Variants in FAT3 observed in about 807,000 individuals in gnomAD.
FAT3 encodes the protein protocadherin Fat 3.
FAT3 carries 95 observed loss-of-function variants against 310.2 expected under a neutral mutation model. The ratio of observed to expected loss-of-function variants is 0.31; its 90% CI spans 0.26 to 0.36. The LOEUF is 0.36. FAT3 is among the 10% of genes least tolerant of loss of function. FAT3 has a pLI of 1.00. For synonymous variants in FAT3, 2,314 were observed against 2,192.9 expected (o/e 1.06, Z -1.54); for missense variants, 5,408 against 5,715.6 (o/e 0.95, Z 1.74).
chr11:92,373,604 T>C lies in FAT3; in HGVS notation c.3292+18200T>C, dbSNP rs1362686316. Among the ~76,000 whole-genome samples, 3 of 152,146 alleles carry C rather than the reference T, an allele frequency of 2.0e-5. No individual in the cohort carries two copies. The East Asian group carries it at 5.8e-4, about 29-fold the overall frequency. Reference sequence around the variant, plus strand: ...AATATGTATTATATATTATGCAATATATAGTATATACTGTTATAATGAACG... The same window carrying C: ...AATATGTATTATATATTATGCAATACATAGTATATACTGTTATAATGAACG... On this transcript the variant is annotated intron_variant, in intron 2 of 27. Transcript: ENST00000525166.
At chr11:92,520,632 C>T (rs517744) in intron 2 of FAT3, among the ~76,000 whole-genome samples, 72,405 of 151,868 alleles carry the variant, frequency 0.48, 17,513 homozygotes, top group Middle Eastern at 0.58. Context: ...ACATTCTTAG[C>T]TGTGACTATG....
At chr11:92,601,127 T>A (rs745995372) in intron 3 of FAT3, among the ~76,000 whole-genome samples, 1 of 151,856 alleles carries the variant, frequency 6.6e-6, no homozygotes, top group Non-Finnish European at 1.5e-5. Context: ...TTTTTTTTTT[T>A]AAGTGGGGAG....
intron 3 of FAT3, among the ~76,000 whole-genome samples, chr11:92,654,164 T>C (rs1198627382): frequency 6.6e-6 from 1 of 152,226 alleles, no homozygotes; most frequent in Non-Finnish European, 1.5e-5. Flanking sequence ...GATGAGAAAC[T>C]AGTTCATTAC....
intron 3 of FAT3, among the ~76,000 whole-genome samples, chr11:92,528,128 C>T (rs925464001): frequency 1.3e-5 from 2 of 152,174 alleles, no homozygotes; most frequent in African/African-American, 2.4e-5. Context: ...ATTTCTTTAT[C>T]GAACATCTGT....
At chr11:92,452,753 A>G (rs1215584896) in intron 2 of FAT3, among the ~76,000 whole-genome samples, 1 of 151,968 alleles carries the variant, frequency 6.6e-6, no homozygotes, top group African/African-American at 2.4e-5. Flanking sequence ...CTAATTTGGT[A>G]TCCCTATTTT....
chr11:92,808,124 C>T (rs1235878744), intron 12 of FAT3, among the ~76,000 whole-genome samples: 1 of 152,074 alleles, frequency 6.6e-6, no homozygotes, highest in Non-Finnish European at 1.5e-5. Context: ...ATTGAGTAGC[C>T]AGTAGACATA....
At position 92,314,301 on chromosome 11, in the gene FAT3, G is replaced by A. The variant is rs997369062; in HGVS notation, c.-17-37795G>A. The A allele has an allele frequency of 1.4e-5, 14 of 982,292 alleles. No individual in the cohort carries two copies. In the Admixed American group the frequency reaches 4.3e-4, roughly 30 times the overall value. 60.8% of individuals were successfully genotyped at this position (982,292 alleles called of 1,614,324 possible). On this transcript the variant is annotated intron_variant, in intron 1 of 27. Coordinates refer to ENST00000525166, the MANE Select transcript of FAT3 (RefSeq NM_001367949.2). ...AAGGTTCAGATGAGAACATGGAGAT[G>A]TATTTCTTCAGGTATGCAACTTAAA...
At chr11:92,383,569 T>C (rs1949551295) in intron 2 of FAT3, among the ~76,000 whole-genome samples, 1 of 152,232 alleles carries the variant, frequency 6.6e-6, no homozygotes, top group Non-Finnish European at 1.5e-5. Flanking sequence ...AAAATGTTGA[T>C]GGATACAAGA....
chr11:92,744,576 A>G (rs1273824390), intron 4 of FAT3, among the ~76,000 whole-genome samples: 2 of 152,226 alleles, frequency 1.3e-5, no homozygotes, highest in Non-Finnish European at 2.9e-5. Context: ...ATGAGTAGTG[A>G]GAAGTACTTT....
rs746840052 is a variant in FAT3, at chr11:92,835,037, A to G, written c.10039A>G (p.Ser3347Gly). 3 of 1,613,708 alleles carry G rather than the reference A, an allele frequency of 1.9e-6. No individual in the cohort carries two copies. In the East Asian group the frequency reaches 6.7e-5, roughly 36 times the overall value. The part of the protein sequence containing the change: ...NPPKFSQDVY[S>G]AVISEDALVG... Reference sequence around the variant, plus strand: ...TCCCAAGTTCAGCCAAGACGTCTACAGTGCGGTTATCAGTGAAGACGCCTT... The same window carrying G: ...TCCCAAGTTCAGCCAAGACGTCTACGGTGCGGTTATCAGTGAAGACGCCTT... The change falls in exon 15 of 28, where the codon AGT (serine) becomes GGT (glycine). Residue 3347 changes from serine to glycine, a missense_variant. Coordinates refer to ENST00000525166, the MANE Select transcript of FAT3 (RefSeq NM_001367949.2).
intron 1 of FAT3, among the ~76,000 whole-genome samples, chr11:92,243,631 C>T (rs1864760622): frequency 6.6e-6 from 1 of 152,048 alleles, no homozygotes; most frequent in African/African-American, 2.4e-5. Context: ...TAATAGAATG[C>T]TTCACACTGA....
At chr11:92,868,644 T>C (rs966578636) in intron 22 of FAT3, among the ~76,000 whole-genome samples, 2 of 152,188 alleles carry the variant, frequency 1.3e-5, no homozygotes, top group African/African-American at 4.8e-5. Context: ...TAGCCACAAA[T>C]TGTAACATAC....
At chr11:92,499,458 C>G (rs1262171669) in intron 2 of FAT3, among the ~76,000 whole-genome samples, 1 of 151,914 alleles carries the variant, frequency 6.6e-6, no homozygotes, top group Admixed American at 6.6e-5. Context: ...TAGAGTATGC[C>G]TTTAGTATTC....
At chr11:92,664,094 C>A (rs1219697663) in intron 3 of FAT3, among the ~76,000 whole-genome samples, 1 of 152,152 alleles carries the variant, frequency 6.6e-6, no homozygotes, top group Non-Finnish European at 1.5e-5. Flanking sequence ...CTCATCATCA[C>A]TCTTTTACAC....
At chr11:92,774,980 AT>A (rs980208306) in intron 7 of FAT3, among the ~76,000 whole-genome samples, 3 of 151,818 alleles carry the variant, frequency 2.0e-5, no homozygotes, top group African/African-American at 4.8e-5. Context: ...ATATGAGAAG[AT>A]TTTTTTTTCT....
At chr11:92,819,984 C>T (rs77987522) in intron 13 of FAT3, among the ~76,000 whole-genome samples, 1,952 of 152,274 alleles carry the variant, frequency 0.013, 38 homozygotes, top group African/African-American at 0.044. Context: ...ATTCACACCC[C>T]TTCCCTTGAG....
At chr11:92,460,292 T>C (rs759575827) in intron 2 of FAT3, among the ~76,000 whole-genome samples, 1 of 152,200 alleles carries the variant, frequency 6.6e-6, no homozygotes, top group Non-Finnish European at 1.5e-5. Context: ...TATTTTCTAG[T>C]GAATGAGTGA....
intron 3 of FAT3, among the ~76,000 whole-genome samples, chr11:92,679,293 T>G (rs1017709412): frequency 7.9e-5 from 12 of 152,082 alleles, no homozygotes; most frequent in Non-Finnish European, 1.3e-4. Context: ...ATTTATTTAT[T>G]TATTTATTTA....
intron 22 of FAT3, among the ~76,000 whole-genome samples, chr11:92,870,294 A>G (rs941856147): frequency 5.5e-4 from 84 of 152,268 alleles, no homozygotes; most frequent in African/African-American, 1.8e-3. Flanking sequence ...AGCCACAATT[A>G]CTAGCTTGGA....
Sources: allele counts gnomAD v4.1 joint callset (sites outside exome capture counted in the v4.1 genomes callset), GRCh38; gene constraint gnomAD v4.1.1; transcripts MANE v1.5; gene names NCBI Gene and HGNC (gene_info 2026-07-23, HGNC 2026-07-21).